CHPF: variants seen among roughly 807,000 people sequenced by gnomAD.
CHPF encodes chondroitin polymerizing factor, non-catalytic subunit.
In CHPF, 34 loss-of-function variants were observed where a neutral mutation model predicts 55.1. The observed-to-expected ratio is 0.62, with a 90% CI of 0.47 to 0.82. The LOEUF is 0.82. Ranked by LOEUF, CHPF falls within the 40% of genes least tolerant of loss-of-function variation. The pLI, the probability that CHPF is intolerant of heterozygous loss-of-function variation, is 0.00. For synonymous variants in CHPF, 489 were observed against 496.6 expected (o/e 0.98, Z 0.20); for missense variants, 961 against 1,106.1 (o/e 0.87, Z 1.86).
In CHPF at chr2:219,539,212, C is replaced by T. The variant is rs1574498322; in HGVS notation, c.*171G>A. The stretch of plus-strand genomic sequence containing the variant: ...TGGGTGGCTCTGGGGGCACGTCCCC[C>T]AGTGCTTGTCCAGAGCCCAGGGACC... On this transcript the variant is annotated 3_prime_UTR_variant, in exon 4 of 4. Coordinates refer to ENST00000243776, the MANE Select transcript of CHPF (RefSeq NM_024536.6). The T allele has an allele frequency of 1.6e-6, 1 of 631,174 alleles. No individual in the cohort carries two copies. Among genetic ancestry groups the T allele is most frequent in the Non-Finnish European group, 2.7e-6 (1 of 373,120 alleles). 39.1% of individuals were successfully genotyped at this position (631,174 alleles called of 1,614,324 possible).
Position 219,539,648 on chromosome 2 carries a change from C to T in CHPF, c.2063G>A (p.Arg688His), listed in dbSNP as rs372800920. ...CFYNSDYVAARGRLAAASEQE... is the reference protein window; with the variant it reads ...CFYNSDYVAAHGRLAAASEQE... ...TTCTGAGGCTGCCGCCAGGCGCCCACGGGCTGCCACATAGTCGGAGTTGTA... is the reference window on the plus strand; with the variant it reads ...TTCTGAGGCTGCCGCCAGGCGCCCATGGGCTGCCACATAGTCGGAGTTGTA... Residue 688 changes from arginine to histidine, a missense_variant, in exon 4 of 4, where the codon CGT becomes CAT. Arg to His is a conservative substitution (Grantham distance 29). Transcript: ENST00000243776. The T allele has an allele frequency of 7.4e-6, 12 of 1,613,454 alleles. No individual in the cohort carries two copies. Among genetic ancestry groups the T allele is most frequent in the East Asian group, 2.2e-5 (1 of 44,864 alleles).
intron 3 of CHPF, 49 bp from the exon 4 acceptor site, chr2:219,540,691 G>T: frequency 6.6e-7 from 1 of 1,510,382 alleles, no homozygotes; most frequent in Non-Finnish European, 8.9e-7. Context: ...ACAGGGAGCA[G>T]CACACAGCTG....
At chr2:219,540,917 ACT>A (rs1695257231) in intron 3 of CHPF, 27 bp downstream of exon 3, 1 of 1,602,312 alleles carries the variant, frequency 6.2e-7, no homozygotes, top group Non-Finnish European at 8.5e-7. Context: ...TGTCCCCGTC[ACT>A]CTGCCACCCC....
Position 219,539,078 on chromosome 2 carries a change from G to A in CHPF, c.*305C>T, listed in dbSNP as rs1695202952. ...ACTCTTCTACAGCCCAGCCCCCAGGGCCCAGAGGCAGGGCTGGCGTCAGGC... is the reference window on the plus strand; with the variant it reads ...ACTCTTCTACAGCCCAGCCCCCAGGACCCAGAGGCAGGGCTGGCGTCAGGC... On this transcript the variant is annotated 3_prime_UTR_variant, in exon 4 of 4. Transcript: ENST00000243776. 1 of 344,272 alleles carries A rather than the reference G, an allele frequency of 2.9e-6. No homozygotes were observed. The highest frequency in any genetic ancestry group is 5.3e-6 in the Non-Finnish European group (1 of 189,354). The allele number at this position is 344,272 out of a possible 1,614,324, so 21.3% of individuals were successfully genotyped here.
chr2:219,541,249 C>T (rs1695263960), intron 2 of CHPF, 124 bp from the exon 3 acceptor site: 1 of 949,936 alleles, frequency 1.1e-6, no homozygotes, highest in Non-Finnish European at 1.5e-6. Flanking sequence ...TTTAAGTCTA[C>T]CTTGACCAGT....
rs1013262870 is a variant in CHPF at position 219,542,329 on chromosome 2, C to T, written c.315-140G>A. The stretch of plus-strand genomic sequence containing the variant: ...TATGAATAGGTTAAAAATAAACCCT[C>T]TCTCCCAGGGGTCATGAGGATTTAA... On this transcript the variant is annotated intron_variant, in intron 1 of 3. Transcript: ENST00000243776. 7 of 668,538 alleles carry T rather than the reference C, an allele frequency of 1.0e-5. No individual in the cohort carries two copies. In the Admixed American group the frequency reaches 2.4e-4, roughly 23 times the overall value. 41.4% of individuals were successfully genotyped at this position (668,538 alleles called of 1,614,324 possible). A position where few individuals can be genotyped will look rare whatever the true frequency, so the allele number is the denominator to read the frequency against.
rs767313477 is a variant in CHPF, at chr2:219,540,412, C to T, written c.1299G>A (p.Leu433=). Residue 433 remains leucine (L), a synonymous_variant, in exon 4 of 4, where the codon CTG becomes CTA. Coordinates refer to ENST00000243776, the MANE Select transcript of CHPF (RefSeq NM_024536.6). ...GCAAGGCCGGGTGGTAGCGGCGGTT[C>T]AGCTCCTCTAGAGCTGTCCCCAGAA... ...ADVLGTALEE[L]NRRYHPALRL... 4.3e-6 allele frequency: 7 copies of T among 1,612,668 alleles called. No individual in the cohort carries two copies. In the South Asian group the frequency reaches 7.7e-5, roughly 18 times the overall value.
chr2:219,540,880 C>CAGGA (rs1695255910), intron 3 of CHPF, 66 bp downstream of exon 3: 1 of 1,575,676 alleles, frequency 6.3e-7, no homozygotes, highest in African/African-American at 1.4e-5. Context: ...TGTCATTTCT[C>CAGGA]TGGGCTCTCT....
At chr2:219,542,944 A>C in intron 1 of CHPF, 1 of 1,256,540 alleles carries the variant, frequency 8.0e-7, no homozygotes, top group Non-Finnish European at 1.0e-6. Flanking sequence ...TAACACCAGC[A>C]GCCCAGCCAG....
rs917536568 is a variant in CHPF, at chr2:219,543,265, G to C, written c.274C>G (p.His92Asp). The part of the protein sequence containing the change: ...ENWEPRVLPY[H>D]PAQPGQAAKK... The stretch of plus-strand genomic sequence containing the variant: ...GCGGCCTGGCCGGGCTGTGCAGGGT[G>C]GTAGGGCAAGACGCGCGGCTCCCAA... The change falls in exon 1 of 4, where the codon CAC (histidine) becomes GAC (aspartate). Residue 92 changes from histidine (H) to aspartate (D), a missense_variant. Physicochemically the swap from His to Asp is moderately conservative, Grantham distance 81. Around this residue, in one of 3 missense-constraint regions of CHPF, gnomAD observed 936 missense variants for 1,058.4 expected, o/e 0.88. Coordinates refer to ENST00000243776, the MANE Select transcript of CHPF (RefSeq NM_024536.6). The C allele has an allele frequency of 1.9e-5, 30 of 1,574,248 alleles. No homozygotes were observed. Among genetic ancestry groups the C allele is most frequent in the Non-Finnish European group, 2.5e-5 (29 of 1,169,486 alleles).
In CHPF at chr2:219,540,610, A is replaced by G; in HGVS notation, c.1101T>C (p.Val367=). ...WEIQNTSHLA[V]DGDQAAAWPV... is the part of the protein sequence containing the mutation. The stretch of plus-strand genomic sequence containing the variant: ...GCCAAGCAGCTGCCTGGTCCCCATC[A>G]ACGGCCAGATGGCTGGTATTCTGGA... The change falls in exon 4 of 4, where the codon GTT becomes GTC. Residue 367 remains valine (V), a synonymous_variant. Transcript: ENST00000243776. 1 of 1,607,904 alleles carries G rather than the reference A, an allele frequency of 6.2e-7. No individual in the cohort carries two copies.
Position 219,540,156 on chromosome 2 carries a change from G to A in CHPF, c.1555C>T (p.Arg519Cys), listed in dbSNP as rs145096722. 8.1e-6 allele frequency: 13 copies of A among 1,603,266 alleles called. No homozygotes were observed. The highest frequency in any genetic ancestry group is 2.3e-5 in the East Asian group (1 of 44,162). The change falls in exon 4 of 4, where the codon CGT becomes TGT. Residue 519 changes from arginine to cysteine, a missense_variant. Transcript: ENST00000243776. ...TCCAAGAAGCCAGGGGCCAGGTCAC[G>A]CTCAGCCGCAGCTAGAGGCAGCAGC... ...TVLLPLAAAERDLAPGFLEAF... is the reference protein window; with the variant it reads ...TVLLPLAAAECDLAPGFLEAF...
chr2:219,539,658 C>T lies in CHPF; in HGVS notation c.2053G>A (p.Val685Met), dbSNP rs757492342. The T allele has an allele frequency of 6.2e-6, 10 of 1,613,540 alleles. No homozygotes were observed. The highest frequency in any genetic ancestry group is 4.5e-5 in the East Asian group (2 of 44,864). ...SEACFYNSDY[V>M]AARGRLAAAS... is the part of the protein sequence containing the mutation. ...GCCGCCAGGCGCCCACGGGCTGCCA[C>T]ATAGTCGGAGTTGTAGAAGCAGGCC... Residue 685 changes from valine to methionine, a missense_variant, in exon 4 of 4, where the codon GTG (valine) becomes ATG (methionine). This residue lies in a region of CHPF where 936 missense variants were observed against 1,058.4 expected (regional missense o/e 0.88). Coordinates refer to ENST00000243776, the MANE Select transcript of CHPF (RefSeq NM_024536.6).
At position 219,539,941 on chromosome 2, in the gene CHPF, G is replaced by A. The variant is rs753130214; in HGVS notation, c.1770C>T (p.Ala590=). 3.8e-5 allele frequency: 61 copies of A among 1,613,658 alleles called. No individual in the cohort carries two copies. In the East Asian group the frequency reaches 7.8e-4, roughly 21 times the overall value. ...ARVPWLSVQT[A]APSPLRLMDL... ...CCATGAGGCGCAGTGGTGAGGGTGC[G>A]GCTGTCTGCACACTGAGCCATGGCA... The change falls in exon 4 of 4, where the codon GCC becomes GCT. Residue 590 remains alanine (A), a synonymous_variant. Coordinates refer to ENST00000243776, the MANE Select transcript of CHPF (RefSeq NM_024536.6).
rs918381992 is a variant in CHPF, at chr2:219,543,643, C to A, written c.-105G>T. On this transcript the variant is annotated 5_prime_UTR_variant, in exon 1 of 4. Coordinates refer to ENST00000243776, the MANE Select transcript of CHPF (RefSeq NM_024536.6). ...GGGGGCGGATCCGGAGGGCTCGGGC[C>A]CCGCGGGCGGGCCCGCTCCCTCCCC... The A allele has an allele frequency of 7.6e-6, 7 of 917,406 alleles. No homozygotes were observed. Among genetic ancestry groups the A allele is most frequent in the Non-Finnish European group, 8.8e-6 (6 of 685,706 alleles). The allele number at this position is 917,406 out of a possible 1,614,324, so 56.8% of individuals were successfully genotyped here.
Position 219,539,466 on chromosome 2 carries a change from G to A in CHPF, c.2245C>T (p.Leu749Phe), listed in dbSNP as rs764907005. ...RLSEDLYHRCLQSVLEGLGSR... is the reference protein window; with the variant it reads ...RLSEDLYHRCFQSVLEGLGSR... ...CCGAGGCCCTCAAGCACGCTCTGGA[G>A]GCAGCGGTGGTACAGGTCCTCACTG... Residue 749 changes from leucine (L) to phenylalanine (F), a missense_variant, in exon 4 of 4, where the codon CTC becomes TTC. This residue lies in a region of CHPF where 936 missense variants were observed against 1,058.4 expected (regional missense o/e 0.88). Transcript: ENST00000243776. 3 of 1,613,538 alleles carry A rather than the reference G, an allele frequency of 1.9e-6. No homozygotes were observed. The South Asian group carries it at 3.3e-5, about 18-fold the overall frequency.
chr2:219,540,252 G>C lies in CHPF; in HGVS notation c.1459C>G (p.Leu487Val), dbSNP rs200369127. Residue 487 changes from leucine (L) to valine (V), a missense_variant, in exon 4 of 4, where the codon CTG (leucine) becomes GTG (valine). Around this residue, in one of 3 missense-constraint regions of CHPF, gnomAD observed 936 missense variants for 1,058.4 expected, o/e 0.88. Coordinates refer to ENST00000243776, the MANE Select transcript of CHPF (RefSeq NM_024536.6). Reference protein sequence around the residue: ...GRRPLTRRVQLLRPLSRVEIL... With the variant: ...GRRPLTRRVQVLRPLSRVEIL... ...TCCACGCGGCTCAGCGGCCGGAGCA[G>C]CTGCACTCGGCGAGTGAGGGGCCGG... is the stretch of plus-strand genomic sequence containing the variant. 7.2e-4 allele frequency: 1,154 copies of C among 1,613,734 alleles called. 3 individuals are homozygous for C. Among genetic ancestry groups the C allele is most frequent in the Non-Finnish European group, 8.9e-4 (1,054 of 1,179,844 alleles).
Position 219,543,368 on chromosome 2 carries a change from G to A in CHPF, c.171C>T (p.Asn57=), listed in dbSNP as rs1695319972. ...GCACCGAGTTGGGCCGGCGCGCCGCGTTGGTGTTGCCGCGCGGCGGCAGCT... is the reference window on the plus strand; with the variant it reads ...GCACCGAGTTGGGCCGGCGCGCCGCATTGGTGTTGCCGCGCGGCGGCAGCT... The part of the protein sequence containing the change: ...DSELPPRGNT[N]AARRPNSVQP... Residue 57 remains asparagine (N), a synonymous_variant, in exon 1 of 4, where the codon AAC becomes AAT. Transcript: ENST00000243776. 2 of 1,562,080 alleles carry A rather than the reference G, an allele frequency of 1.3e-6. No individual in the cohort carries two copies. Among genetic ancestry groups the A allele is most frequent in the African/African-American group, 2.8e-5 (2 of 70,960 alleles).
chr2:219,543,336 C>A lies in CHPF; in HGVS notation c.203G>T (p.Gly68Val), dbSNP rs1331518751. ...GGCCCCGGGCTTCTCGCGCTCCGCT[C>A]CGGGCTGCACCGAGTTGGGCCGGCG... ...AARRPNSVQP[G>V]AEREKPGAGE... is the part of the protein sequence containing the mutation. Residue 68 changes from glycine to valine, a missense_variant, in exon 1 of 4, where the codon GGA (glycine) becomes GTA (valine). By Grantham distance (109) the Gly-to-Val change is moderately radical. This residue lies in a region of CHPF where 936 missense variants were observed against 1,058.4 expected (regional missense o/e 0.88). Transcript: ENST00000243776. The A allele has an allele frequency of 1.9e-6, 3 of 1,566,960 alleles. No individual in the cohort carries two copies. Among genetic ancestry groups the A allele is most frequent in the Non-Finnish European group, 2.6e-6 (3 of 1,166,794 alleles).
Sources: gnomAD v4.1 joint callset for allele counts on GRCh38, gnomAD v4.1.1 for gene constraint, gnomAD v4.1.1 regional missense constraint, MANE v1.5 for transcripts, NCBI Gene and HGNC (gene_info 2026-07-23, HGNC 2026-07-21) for gene names.